Variants in PDE10A observed in about 807,000 individuals in gnomAD.
The protein encoded by PDE10A is phosphodiesterase 10A.
A neutral mutation model predicts 97.7 loss-of-function variants in PDE10A; 39 were observed. The ratio of observed to expected loss-of-function variants is 0.40; its 90% CI spans 0.31 to 0.52. The LOEUF (loss-of-function observed/expected upper bound fraction) is 0.52, where lower values mean the gene tolerates loss of function less well. Ranked by LOEUF, PDE10A falls within the 20% of genes least tolerant of loss-of-function variation. The pLI is 0.56. For missense variants in PDE10A, 731 were observed against 1,047.8 expected, an observed-to-expected ratio of 0.70 and a Z score of 4.17; for synonymous variants, 371 against 376.8, an observed-to-expected ratio of 0.98 and a Z score of 0.18.
intron 2 of PDE10A, among the ~76,000 whole-genome samples, chr6:165,495,710 A>G (rs1780496736): frequency 6.6e-6 from 1 of 152,168 alleles, no homozygotes; most frequent in African/African-American, 2.4e-5. Flanking sequence ...GCTGGAATCT[A>G]CAATATATAA....
chr6:165,497,447 T>C (rs1180841943), intron 2 of PDE10A, among the ~76,000 whole-genome samples: 1 of 152,188 alleles, frequency 6.6e-6, no homozygotes, highest in Non-Finnish European at 1.5e-5. Context: ...GAAATATGAA[T>C]ATATATACTA....
At chr6:165,545,882 TTCTG>T (rs1471872798) in intron 1 of PDE10A, among the ~76,000 whole-genome samples, 2 of 152,046 alleles carry the variant, frequency 1.3e-5, no homozygotes, top group Non-Finnish European at 2.9e-5. Flanking sequence ...AATAGAGTCT[TTCTG>T]TATGACCCAA....
intron 1 of PDE10A, among the ~76,000 whole-genome samples, chr6:165,564,819 G>C (rs1395928545): frequency 6.6e-6 from 1 of 152,170 alleles, no homozygotes; most frequent in African/African-American, 2.4e-5. Context: ...GTTTCTTCCT[G>C]AAAGTGAGAA....
chr6:165,958,265 A>C (rs1354830254), intron 1 of PDE10A, among the ~76,000 whole-genome samples: 1 of 152,100 alleles, frequency 6.6e-6, no homozygotes, highest in Non-Finnish European at 1.5e-5. Context: ...AGGTTTGAAC[A>C]CGCAGGTGCC....
chr6:165,927,499 A>G (rs1057140668), intron 1 of PDE10A, among the ~76,000 whole-genome samples: 4 of 151,864 alleles, frequency 2.6e-5, no homozygotes, highest in Admixed American at 6.6e-5. Flanking sequence ...AAATGTATAA[A>G]TGACTATGCA....
intron 13 of PDE10A, among the ~76,000 whole-genome samples, chr6:165,410,617 G>A (rs220759): frequency 2.0e-5 from 3 of 151,954 alleles, no homozygotes; most frequent in South Asian, 2.1e-4. Context: ...GAAAGTGGGG[G>A]TAAGTTCCTG....
At chr6:165,635,770 C>G (rs1788845854) in intron 1 of PDE10A, among the ~76,000 whole-genome samples, 2 of 152,034 alleles carry the variant, frequency 1.3e-5, no homozygotes, top group South Asian at 4.2e-4. Flanking sequence ...GTAACATACA[C>G]CATTTGGGGC....
At chr6:165,460,671 T>C (rs968173963) in intron 3 of PDE10A, among the ~76,000 whole-genome samples, 7 of 152,146 alleles carry the variant, frequency 4.6e-5, no homozygotes, top group African/African-American at 1.7e-4. Context: ...AGTAGCTATA[T>C]TTTGCATAGT....
intron 1 of PDE10A, among the ~76,000 whole-genome samples, chr6:165,881,686 C>T (rs1781484112): frequency 6.6e-6 from 1 of 151,874 alleles, no homozygotes; most frequent in South Asian, 2.1e-4. Context: ...AGGCATGAGC[C>T]ACTGAGCCCA....
At chr6:165,476,562 G>A (rs1196927818) in intron 3 of PDE10A, among the ~76,000 whole-genome samples, 2 of 152,152 alleles carry the variant, frequency 1.3e-5, no homozygotes, top group Non-Finnish European at 2.9e-5. Flanking sequence ...TGAAATAAAT[G>A]TGAAAGAACC....
At chr6:165,821,509 T>A (rs924676685) in intron 1 of PDE10A, among the ~76,000 whole-genome samples, 1 of 147,884 alleles carries the variant, frequency 6.8e-6, no homozygotes, top group Non-Finnish European at 1.5e-5. Context: ...GTTCAACTTG[T>A]TTATAATTAT....
chr6:165,456,682 TG>T (rs1164713401), intron 3 of PDE10A, among the ~76,000 whole-genome samples: 1 of 152,216 alleles, frequency 6.6e-6, no homozygotes, highest in Non-Finnish European at 1.5e-5. Context: ...GTCTGTAAAA[TG>T]CTTTCCCTTT....
intron 1 of PDE10A, among the ~76,000 whole-genome samples, chr6:165,941,721 CT>C (rs1783529833): frequency 6.6e-6 from 1 of 152,168 alleles, no homozygotes; most frequent in Non-Finnish European, 1.5e-5. Flanking sequence ...TGAGGCCTCC[CT>C]AAAAACTGAA....
At chr6:165,363,941 C>A (rs1194580791) in intron 18 of PDE10A, among the ~76,000 whole-genome samples, 1 of 152,092 alleles carries the variant, frequency 6.6e-6, no homozygotes, top group African/African-American at 2.4e-5. Flanking sequence ...GCAATACTTC[C>A]AAAATTGATT....
At chr6:165,457,808 C>G (rs1476652721) in intron 3 of PDE10A, among the ~76,000 whole-genome samples, 1 of 152,094 alleles carries the variant, frequency 6.6e-6, no homozygotes, top group African/African-American at 2.4e-5. Flanking sequence ...AAAGTAAAAG[C>G]TAGTTTCACC....
chr6:165,633,320 A>G (rs755986), intron 1 of PDE10A, among the ~76,000 whole-genome samples: 128,118 of 152,050 alleles, frequency 0.84, 54,100 homozygotes, highest in East Asian at 0.89. Flanking sequence ...TGGCACACCC[A>G]TTCAGTTCAT....
At chr6:165,650,513 T>A (rs1789629312) in intron 1 of PDE10A, among the ~76,000 whole-genome samples, 2 of 152,354 alleles carry the variant, frequency 1.3e-5, no homozygotes, top group South Asian at 4.1e-4. Flanking sequence ...TGTGTGTGTA[T>A]GTTGTTTACA....
rs148131854 is a variant in PDE10A, at chr6:165,703,691, C to T, written c.-614-160123G>A. Among the ~76,000 whole-genome samples the T allele has an allele frequency of 2.0e-3, 312 of 152,356 alleles. 2 individuals carry two copies. Among genetic ancestry groups the T allele is most frequent in the African/African-American group, 7.1e-3 (297 of 41,578 alleles). On this transcript the variant is annotated intron_variant, in intron 1 of 19. Coordinates refer to the PDE10A transcript ENST00000366882. The stretch of plus-strand genomic sequence containing the variant: ...GATTTATTCCAAAGATTGCACTGTG[C>T]CTTGCTCTTTGCTCTGGAAATCTTG...
chr6:165,550,867 G>A (rs922270220), intron 1 of PDE10A, among the ~76,000 whole-genome samples: 14 of 152,142 alleles, frequency 9.2e-5, no homozygotes, highest in Admixed American at 6.5e-4. Flanking sequence ...CTTTCACAGC[G>A]TGAGATGGTT....
Sources: allele counts gnomAD v4.1 joint callset (sites outside exome capture counted in the v4.1 genomes callset), GRCh38; gene constraint gnomAD v4.1.1; transcripts MANE v1.5; gene names NCBI Gene and HGNC (gene_info 2026-07-23, HGNC 2026-07-21).